Variants in TMEM8B observed in about 807,000 individuals in gnomAD.
TMEM8B encodes the protein nasopharyngeal carcinoma expressed 6.
In TMEM8B, 29 loss-of-function variants were observed where a neutral mutation model predicts 49.3. The observed-to-expected ratio is 0.59, with a 90% CI of 0.44 to 0.80. The LOEUF is 0.80. Ranked by LOEUF, TMEM8B falls within the 30% of genes least tolerant of loss-of-function variation. The pLI, the probability that TMEM8B is intolerant of heterozygous loss-of-function variation, is 0.00. For missense variants in TMEM8B, 575 were observed against 658.5 expected (o/e 0.87, Z 1.39); for synonymous variants, 264 against 272.8 (o/e 0.97, Z 0.32).
In TMEM8B at chr9:35,856,307, A is replaced by G. The variant is rs1403872384; in HGVS notation, c.*2467A>G. The G allele has an allele frequency of 6.6e-6, 1 of 152,346 alleles. No individual in the cohort carries two copies. The highest frequency in any genetic ancestry group is 2.4e-5 in the African/African-American group (1 of 41,434). The allele number at this position is 152,346 out of a possible 1,614,324, so 9.4% of individuals were successfully genotyped here. A position where few individuals can be genotyped will look rare whatever the true frequency, so the allele number is the denominator to read the frequency against. Reference sequence around the variant, plus strand: ...GCTTAAGGTCACCACGTGTTTGGACATGGAGAGGGAACAGCAAGGGGGAAT... The same window carrying G: ...GCTTAAGGTCACCACGTGTTTGGACGTGGAGAGGGAACAGCAAGGGGGAAT... On this transcript the variant is annotated 3_prime_UTR_variant, in exon 13 of 13. Transcript: ENST00000643932.
At chr9:35,849,116 G>A (rs1257516791) in intron 10 of TMEM8B, among the ~76,000 whole-genome samples, 1 of 152,156 alleles carries the variant, frequency 6.6e-6, no homozygotes. Context: ...CAGGTTCTCT[G>A]TGGTCCCTCC....
rs1402105693 is a variant in TMEM8B at position 35,841,657 on chromosome 9, T to C, written c.1172T>C (p.Val391Ala). Residue 391 changes from valine (V) to alanine (A), a missense_variant, in exon 5 of 13, where the codon GTG becomes GCG. Val to Ala is a moderately conservative substitution (Grantham distance 64). Coordinates refer to ENST00000643932, the MANE Select transcript of TMEM8B (RefSeq NM_001042590.4). This position sits in a 1 kb window ranked among gnomAD's most constrained non-coding sequence, Gnocchi z 5.9. ...CCACCCCTGCACAACTCAAGCTCTG[T>C]GGCCTGTGGAGGTGCCTCAGGATGC... is the stretch of plus-strand genomic sequence containing the variant. ...KAPPLHNSSS[V>A]ACGGASGCQL... The C allele has an allele frequency of 2.4e-6, 1 of 416,014 alleles. No individual in the cohort carries two copies. Among genetic ancestry groups the C allele is most frequent in the East Asian group, 3.6e-5 (1 of 28,082 alleles). 25.8% of individuals were successfully genotyped at this position (416,014 alleles called of 1,614,324 possible). A position where few individuals can be genotyped will look rare whatever the true frequency, so the allele number is the denominator to read the frequency against.
intron 6 of TMEM8B, chr9:35,845,656 T>C: frequency 3.0e-6 from 3 of 985,442 alleles, no homozygotes; most frequent in Non-Finnish European, 3.6e-6. Context: ...CTCCTTCTCC[T>C]TAATGAGCTA....
intron 3 of TMEM8B, among the ~76,000 whole-genome samples, chr9:35,840,727 C>CT (rs1412956023): frequency 6.6e-6 from 1 of 152,140 alleles, no homozygotes. Flanking sequence ...CTCCACCCCA[C>CT]TTTGCCTAAA....
Position 35,842,373 on chromosome 9 carries a change from G to A in TMEM8B, c.1310-19G>A, listed in dbSNP as rs1317415970. On this transcript the variant is annotated intron_variant, in intron 5 of 12. Coordinates refer to ENST00000643932, the MANE Select transcript of TMEM8B (RefSeq NM_001042590.4). This position sits in a 1 kb window ranked among gnomAD's most constrained non-coding sequence, Gnocchi z 5.6. Reference sequence around the variant, plus strand: ...TGTAAAGGCTGCAGGCCCAAGCTCTGGTTTCCTCTGCCCCACAGAGTGCCC... The same window carrying A: ...TGTAAAGGCTGCAGGCCCAAGCTCTAGTTTCCTCTGCCCCACAGAGTGCCC... 6.7e-7 allele frequency: 1 copy of A among 1,490,652 alleles called. No individual in the cohort carries two copies. The highest frequency in any genetic ancestry group is 2.4e-5 in the Admixed American group (1 of 41,266). The allele number at this position is 1,490,652 out of a possible 1,614,324, so 92.3% of individuals were successfully genotyped here.
In TMEM8B at chr9:35,841,477, C is replaced by A; in HGVS notation, c.1041-49C>A. 2.4e-6 allele frequency: 1 copy of A among 415,318 alleles called. No homozygotes were observed. The highest frequency in any genetic ancestry group is 4.4e-6 in the Non-Finnish European group (1 of 227,612). The allele number at this position is 415,318 out of a possible 1,614,324, so 25.7% of individuals were successfully genotyped here. ...CTAGTGCTTCCCTTGCCCTGTGTTC[C>A]TCTCGCCTCTGTTTGTGCCTTCTTA... is the stretch of plus-strand genomic sequence containing the variant. On this transcript the variant is annotated intron_variant, in intron 4 of 12. Coordinates refer to ENST00000643932, the MANE Select transcript of TMEM8B (RefSeq NM_001042590.4). The surrounding 1 kb of genome is among the most constrained non-coding windows in gnomAD (Gnocchi z 5.9).
chr9:35,853,749 G>C lies in TMEM8B; in HGVS notation c.2684G>C (p.Gly895Ala), dbSNP rs1832374142. Residue 895 changes from glycine (G) to alanine (A), a missense_variant, in exon 13 of 13, where the codon GGC becomes GCC. By Grantham distance (60) the Gly-to-Ala change is moderately conservative (BLOSUM62 0). Transcript: ENST00000643932. This position sits in a 1 kb window ranked among gnomAD's most constrained non-coding sequence, Gnocchi z 4.2. ...HGVPSGARARGCGYQLCINEQ... is the reference protein window; with the variant it reads ...HGVPSGARARACGYQLCINEQ... ...GTCCCATCTGGAGCCCGGGCCCGGGGCTGTGGTTACCAGCTATGCATCAAC... is the reference window on the plus strand; with the variant it reads ...GTCCCATCTGGAGCCCGGGCCCGGGCCTGTGGTTACCAGCTATGCATCAAC... The C allele has an allele frequency of 1.2e-6, 2 of 1,612,254 alleles. No individual in the cohort carries two copies. Among genetic ancestry groups the C allele is most frequent in the Non-Finnish European group, 1.7e-6 (2 of 1,178,866 alleles).
rs1832673032 is a variant in TMEM8B at position 35,862,695 on chromosome 9, T to C, written c.*8855T>C. ...TTCAGGCTGGAGTGCCTTTCTTTTC[T>C]ACTCATCCTTCAAGGCTCAGTTCAC... On this transcript the variant is annotated 3_prime_UTR_variant, in exon 13 of 13. Coordinates refer to ENST00000643932, the MANE Select transcript of TMEM8B (RefSeq NM_001042590.4). The C allele has an allele frequency of 1.3e-5, 2 of 152,264 alleles. No individual in the cohort carries two copies. The highest frequency in any genetic ancestry group is 2.9e-5 in the Non-Finnish European group (2 of 68,076). The allele number at this position is 152,264 out of a possible 1,614,324, so 9.4% of individuals were successfully genotyped here. A position where few individuals can be genotyped will look rare whatever the true frequency, so the allele number is the denominator to read the frequency against.
rs1233978485 is a variant in TMEM8B at position 35,863,908 on chromosome 9, T to C, written c.*10068T>C. The C allele has an allele frequency of 6.6e-6, 1 of 152,242 alleles. No homozygotes were observed. Among genetic ancestry groups the C allele is most frequent in the Non-Finnish European group, 1.5e-5 (1 of 68,056 alleles). The allele number at this position is 152,242 out of a possible 1,614,324, so 9.4% of individuals were successfully genotyped here. On this transcript the variant is annotated 3_prime_UTR_variant, in exon 13 of 13. Coordinates refer to ENST00000643932, the MANE Select transcript of TMEM8B (RefSeq NM_001042590.4). ...TCTTATGACTCTCAGAAAGCTACTC[T>C]AGTGGCCATCTACCAGTGTCACGCA...
rs887725240 is a variant in TMEM8B, at chr9:35,854,306, G to C, written c.*466G>C. 2.6e-5 allele frequency: 4 copies of C among 155,952 alleles called. No individual in the cohort carries two copies. Among genetic ancestry groups the C allele is most frequent in the African/African-American group, 9.6e-5 (4 of 41,562 alleles). 9.7% of individuals were successfully genotyped at this position (155,952 alleles called of 1,614,324 possible). On this transcript the variant is annotated 3_prime_UTR_variant, in exon 13 of 13. Transcript: ENST00000643932. ...CCTTCCCAGAGGCAGCGTCTGGGCT[G>C]TGCTGTGCTGTGGAGGAGGGATTGC...
rs1832675176 is a variant in TMEM8B, at chr9:35,862,880, T to G, written c.*9040T>G. 1 of 152,206 alleles carries G rather than the reference T, an allele frequency of 6.6e-6. No homozygotes were observed. The highest frequency in any genetic ancestry group is 2.1e-4 in the South Asian group (1 of 4,830). The allele number at this position is 152,206 out of a possible 1,614,324, so 9.4% of individuals were successfully genotyped here. Reference sequence around the variant, plus strand: ...TCTCTCTGACTAGACTATGAGCTATTGCAGTGAAAGGGCTGTGTCCTTCAT... The same window carrying G: ...TCTCTCTGACTAGACTATGAGCTATGGCAGTGAAAGGGCTGTGTCCTTCAT... On this transcript the variant is annotated 3_prime_UTR_variant, in exon 13 of 13. Coordinates refer to ENST00000643932, the MANE Select transcript of TMEM8B (RefSeq NM_001042590.4).
At chr9:35,833,698 C>T (rs935617662) in intron 1 of TMEM8B, among the ~76,000 whole-genome samples, 8 of 152,092 alleles carry the variant, frequency 5.3e-5, no homozygotes, top group Non-Finnish European at 8.8e-5. Context: ...AACATTCCCC[C>T]GGCCCCCACC....
Position 35,829,479 on chromosome 9 carries a change from T to G in TMEM8B, c.32T>G (p.Leu11Arg). Residue 11 changes from leucine (L) to arginine (R), a missense_variant, in exon 1 of 13, where the codon CTA becomes CGA. Physicochemically the swap from Leu to Arg is moderately radical, Grantham distance 102. Coordinates refer to ENST00000643932, the MANE Select transcript of TMEM8B (RefSeq NM_001042590.4). ...CAGCCCTTGTCCCGGCCCCTCGTCC[T>G]ATCCCAATCCCCGCCTTGGCCCCCA... is the stretch of plus-strand genomic sequence containing the variant. MAQPLSRPLV[L>R]SQSPPWPPAP... The G allele has an allele frequency of 3.2e-6, 1 of 312,942 alleles. No homozygotes were observed. 19.4% of individuals were successfully genotyped at this position (312,942 alleles called of 1,614,324 possible).
rs1832578597 is a variant in TMEM8B, at chr9:35,857,872, A to G, written c.*4032A>G. ...GGGCAGTAAGGGCACACTAGAATCC[A>G]GAAGGACAAACTGGAACCTGTGCCT... On this transcript the variant is annotated 3_prime_UTR_variant, in exon 13 of 13. Coordinates refer to ENST00000643932, the MANE Select transcript of TMEM8B (RefSeq NM_001042590.4). 6.6e-6 allele frequency: 1 copy of G among 152,232 alleles called. No homozygotes were observed. The highest frequency in any genetic ancestry group is 2.4e-5 in the African/African-American group (1 of 41,446). The allele number at this position is 152,232 out of a possible 1,614,324, so 9.4% of individuals were successfully genotyped here.
intron 6 of TMEM8B, among the ~76,000 whole-genome samples, chr9:35,843,020 C>G (rs1245102707): frequency 6.6e-6 from 1 of 152,186 alleles, no homozygotes; most frequent in East Asian, 1.9e-4. Context: ...TCTTGCAAAT[C>G]TCCTTTGATG....
In TMEM8B at chr9:35,862,113, A is replaced by G. The variant is rs79080464; in HGVS notation, c.*8273A>G. On this transcript the variant is annotated 3_prime_UTR_variant, in exon 13 of 13. Transcript: ENST00000643932. ...CCTCATTCATTCACTTATTCAACAAATAGTTATTGAGCACCTACTATGTGT... is the reference window on the plus strand; with the variant it reads ...CCTCATTCATTCACTTATTCAACAAGTAGTTATTGAGCACCTACTATGTGT... The G allele has an allele frequency of 5.8e-4, 89 of 152,312 alleles. 2 individuals carry two copies. Among genetic ancestry groups the G allele is most frequent in the East Asian group, 5.4e-3 (28 of 5,176 alleles). The allele number at this position is 152,312 out of a possible 1,614,324, so 9.4% of individuals were successfully genotyped here.
At chr9:35,834,865 A>C in intron 2 of TMEM8B, 146 bp from the exon 3 acceptor site, 1 of 412,792 alleles carries the variant, frequency 2.4e-6, no homozygotes, top group Non-Finnish European at 4.4e-6. Flanking sequence ...GTGGCCCCTG[A>C]CCTGGAACCA....
chr9:35,840,221 A>G (rs976853615), intron 3 of TMEM8B, among the ~76,000 whole-genome samples: 3 of 152,172 alleles, frequency 2.0e-5, no homozygotes, highest in Non-Finnish European at 2.9e-5. Context: ...CCAGAAGAGA[A>G]GCTGGGGGAG....
rs11998819 is a variant in TMEM8B, at chr9:35,842,294, C to T, written c.1310-98C>T. The T allele has an allele frequency of 1.3e-3, 1,178 of 930,952 alleles. 14 individuals are homozygous for T. The African/African-American group carries it at 0.018, about 14-fold the overall frequency. The allele number at this position is 930,952 out of a possible 1,614,324, so 57.7% of individuals were successfully genotyped here. A position where few individuals can be genotyped will look rare whatever the true frequency, so the allele number is the denominator to read the frequency against. The stretch of plus-strand genomic sequence containing the variant: ...TCGCATTCTAGTTCTCATCCTTCCC[C>T]ACTCTTTGCGAAATCCTGTCTAGCT... On this transcript the variant is annotated intron_variant, in intron 5 of 12. Coordinates refer to ENST00000643932, the MANE Select transcript of TMEM8B (RefSeq NM_001042590.4). The surrounding 1 kb of genome is among the most constrained non-coding windows in gnomAD (Gnocchi z 5.6).
Sources: allele counts gnomAD v4.1 joint callset (sites outside exome capture counted in the v4.1 genomes callset), GRCh38; gene constraint gnomAD v4.1.1; non-coding constraint Gnocchi (gnomAD v3.1); transcripts MANE v1.5; gene names NCBI Gene and HGNC (gene_info 2026-07-23, HGNC 2026-07-21).